The following STAU2 variants were observed in gnomAD, a reference collection of about 807,000 sequenced individuals.
The protein encoded by STAU2 is double-stranded RNA-binding protein Staufen homolog 2.
In STAU2, 20 loss-of-function variants were observed where a neutral mutation model predicts 65.9. The observed-to-expected ratio is 0.30, with a 90% confidence interval of 0.21 to 0.44. STAU2 has a LOEUF of 0.44. Among genes scored for constraint, STAU2 ranks in the 20% least tolerant of loss-of-function variants. The pLI is 1.00. For synonymous variants in STAU2, 232 were observed against 233.9 expected (o/e 0.99, Z 0.07); for missense variants, 558 against 683.9 (o/e 0.82, Z 2.05).
At chr8:73,685,552 A>AT (rs1260150795) in intron 5 of STAU2, among the ~76,000 whole-genome samples, 1 of 151,834 alleles carries the variant, frequency 6.6e-6, no homozygotes, top group Non-Finnish European at 1.5e-5. Flanking sequence ...TTATTTTTGT[A>AT]TTTTTAGTAG....
intron 12 of STAU2, among the ~76,000 whole-genome samples, chr8:73,559,822 A>G (rs1208343775): frequency 1.3e-5 from 2 of 152,176 alleles, no homozygotes; most frequent in Non-Finnish European, 2.9e-5. Flanking sequence ...CTGGTCTTCC[A>G]GATAAGGCCC....
intron 6 of STAU2, among the ~76,000 whole-genome samples, chr8:73,624,060 T>C (rs897430184): frequency 3.9e-5 from 6 of 152,054 alleles, no homozygotes; most frequent in African/African-American, 1.4e-4. Flanking sequence ...TAGGGTGTTT[T>C]GAAATGATAG....
intron 3 of STAU2, among the ~76,000 whole-genome samples, chr8:73,717,622 TTTGTTGTTGTTGTTGTTGTTG>T (rs75469180): frequency 6.7e-5 from 10 of 150,056 alleles, no homozygotes; most frequent in Non-Finnish European, 1.2e-4. Flanking sequence ...CTATTTGTCT[TTTGTTGTTGTTGTTGTTGTTG>T]TTGTTGTTGT....
intron 13 of STAU2, among the ~76,000 whole-genome samples, chr8:73,463,097 C>A (rs1365192337): frequency 2.0e-5 from 3 of 152,184 alleles, no homozygotes; most frequent in Non-Finnish European, 4.4e-5. Flanking sequence ...GGGTTTGACC[C>A]CTGGCTGTGT....
Position 73,515,217 on chromosome 8 carries a change from C to T in STAU2, c.1530+36795G>A, listed in dbSNP as rs370727604. On this transcript the variant is annotated intron_variant, in intron 13 of 14. Transcript: ENST00000524300. ...AATAATGACCTATTAGTTCCTAGAC[C>T]ATGGGGAAGTCCCAGAGGTCCTGGA... is the stretch of plus-strand genomic sequence containing the variant. Among the ~76,000 whole-genome samples the T allele has an allele frequency of 6.0e-4, 92 of 152,256 alleles. No individual in the cohort carries two copies. In the South Asian group the frequency reaches 0.018, roughly 30 times the overall value.
At chr8:73,427,978 C>T (rs1412987023) in intron 13 of STAU2, among the ~76,000 whole-genome samples, 1 of 152,180 alleles carries the variant, frequency 6.6e-6, no homozygotes, top group African/African-American at 2.4e-5. Context: ...GTGATGACAA[C>T]ACCTGAAATA....
At chr8:73,460,061 C>G (rs1201356418) in intron 13 of STAU2, among the ~76,000 whole-genome samples, 4 of 152,198 alleles carry the variant, frequency 2.6e-5, no homozygotes, top group African/African-American at 9.7e-5. Context: ...TCACCCTCTC[C>G]CTCTACTCAG....
At chr8:73,439,160 G>C (rs1034625401) in intron 13 of STAU2, 1 of 403,950 alleles carries the variant, frequency 2.5e-6, no homozygotes, top group African/African-American at 2.0e-5. Flanking sequence ...TGTAGCATCT[G>C]TTAACACCTC....
chr8:73,633,104 A>T (rs1393092029), intron 6 of STAU2, among the ~76,000 whole-genome samples: 2 of 152,248 alleles, frequency 1.3e-5, no homozygotes, highest in African/African-American at 4.8e-5. Context: ...GGAGTCCACT[A>T]CATATCTGTT....
intron 4 of STAU2, among the ~76,000 whole-genome samples, chr8:73,700,370 G>T (rs1243158635): frequency 6.6e-6 from 1 of 151,642 alleles, no homozygotes; most frequent in Non-Finnish European, 1.5e-5. Flanking sequence ...TGGAAAAGAA[G>T]AAGTCAAATT....
intron 6 of STAU2, among the ~76,000 whole-genome samples, chr8:73,644,745 A>C: frequency 6.6e-6 from 1 of 152,200 alleles, no homozygotes; most frequent in East Asian, 1.9e-4. Flanking sequence ...TCAATATCAG[A>C]AAAGAATCAG....
intron 6 of STAU2, among the ~76,000 whole-genome samples, chr8:73,632,623 C>T (rs967690997): frequency 2.6e-5 from 4 of 152,068 alleles, no homozygotes; most frequent in African/African-American, 4.8e-5. Flanking sequence ...CTGAGAACTC[C>T]AAAGCAGGAG....
At chr8:73,431,894 C>T (rs538363948) in intron 13 of STAU2, among the ~76,000 whole-genome samples, 3 of 152,302 alleles carry the variant, frequency 2.0e-5, no homozygotes, top group South Asian at 4.2e-4. Flanking sequence ...CAGTTTGTAA[C>T]GACAATGTAG....
At chr8:73,533,788 AT>A (rs1805994569) in intron 13 of STAU2, among the ~76,000 whole-genome samples, 1 of 152,132 alleles carries the variant, frequency 6.6e-6, no homozygotes, top group Admixed American at 6.5e-5. Flanking sequence ...AGGTGTGTGA[AT>A]TTTTTTCATG....
In STAU2 at chr8:73,550,540, C is replaced by A. The variant is rs373444478; in HGVS notation, c.1530+1472G>T. On this transcript the variant is annotated intron_variant, in intron 13 of 14. Coordinates refer to ENST00000524300, the MANE Select transcript of STAU2 (RefSeq NM_001164380.2). ...CTAAATGATTAGATTCATAAATAAG[C>A]AGTTAATTTCTTTTCATCACAATTT... 3.4e-4 allele frequency: 339 copies of A among 983,828 alleles called. No homozygotes were observed. The African/African-American group carries it at 5.6e-3, about 16-fold the overall frequency. 60.9% of individuals were successfully genotyped at this position (983,828 alleles called of 1,614,324 possible).
At chr8:73,587,083 G>A (rs1438921124) in intron 11 of STAU2, among the ~76,000 whole-genome samples, 1 of 152,062 alleles carries the variant, frequency 6.6e-6, no homozygotes, top group African/African-American at 2.4e-5. Context: ...AGCATCGAGA[G>A]GGAAGAGAAG....
At chr8:73,629,504 TA>T in intron 6 of STAU2, among the ~76,000 whole-genome samples, 1 of 152,300 alleles carries the variant, frequency 6.6e-6, no homozygotes, top group South Asian at 2.1e-4. Context: ...ACGTATGTTT[TA>T]AAAAAATTGC....
intron 13 of STAU2, among the ~76,000 whole-genome samples, chr8:73,520,806 C>T (rs2128928358): frequency 6.6e-6 from 1 of 152,268 alleles, no homozygotes; most frequent in African/African-American, 2.4e-5. Flanking sequence ...TAACCTGAGT[C>T]CTTGCTGACA....
chr8:73,449,064 G>A (rs901044630), intron 13 of STAU2, among the ~76,000 whole-genome samples: 1 of 152,238 alleles, frequency 6.6e-6, no homozygotes, highest in African/African-American at 2.4e-5. Context: ...GGAGAGGGCC[G>A]AGCTGGGTGA....
Sources: gnomAD v4.1 joint callset for allele counts (sites outside exome capture counted in the v4.1 genomes callset) on GRCh38, gnomAD v4.1.1 for gene constraint, MANE v1.5 for transcripts, NCBI Gene and HGNC (gene_info 2026-07-23, HGNC 2026-07-21) for gene names.